Variants in CACNA2D3 observed in about 807,000 individuals in gnomAD.
CACNA2D3 encodes voltage-dependent calcium channel subunit alpha-2/delta-3.
A neutral mutation model predicts 160.6 loss-of-function variants in CACNA2D3; 60 were observed. The ratio of observed to expected loss-of-function variants is 0.37; its 90% CI spans 0.30 to 0.46. The LOEUF (loss-of-function observed/expected upper bound fraction) is 0.46, where lower values mean the gene tolerates loss of function less well. Among genes scored for constraint, CACNA2D3 ranks in the 20% least tolerant of loss-of-function variants. The pLI is 1.00. For synonymous variants in CACNA2D3, 558 were observed against 492.9 expected (o/e 1.13, Z -1.75); for missense variants, 1,205 against 1,365.0 (o/e 0.88, Z 1.85).
intron 3 of CACNA2D3, among the ~76,000 whole-genome samples, chr3:54,334,145 A>G (rs954030716): frequency 1.3e-5 from 2 of 152,058 alleles, no homozygotes; most frequent in African/African-American, 4.8e-5. Context: ...GGAGTGCAGT[A>G]GTGTGATCTC....
In CACNA2D3 at chr3:54,654,167, A is replaced by G. The variant is rs747128692; in HGVS notation, c.1167+11926A>G. On this transcript the variant is annotated intron_variant, in intron 11 of 37. Coordinates refer to ENST00000474759, the MANE Select transcript of CACNA2D3 (RefSeq NM_018398.3). ...CTACTCTTAAATTGTAGCACATTGG[A>G]GTCACCGAGGGGTTGGCAGTGGGGG... Among the ~76,000 whole-genome samples, 13 of 152,090 alleles carry G rather than the reference A, an allele frequency of 8.5e-5. No homozygotes were observed. In the South Asian group the frequency reaches 1.7e-3, roughly 19 times the overall value.
At chr3:54,404,080 A>G (rs551340127) in intron 4 of CACNA2D3, among the ~76,000 whole-genome samples, 1 of 152,282 alleles carries the variant, frequency 6.6e-6, no homozygotes, top group South Asian at 2.1e-4. Context: ...TTACTACCCA[A>G]ACTTCTTAAA....
intron 4 of CACNA2D3, among the ~76,000 whole-genome samples, chr3:54,467,620 C>T (rs952210969): frequency 1.3e-5 from 2 of 151,922 alleles, no homozygotes; most frequent in African/African-American, 4.8e-5. Context: ...GTGAAATAAG[C>T]CAGGCACATA....
At position 54,722,532 on chromosome 3, in the gene CACNA2D3, C is replaced by T. The variant is rs796122658; in HGVS notation, c.1168-30067C>T. Among the ~76,000 whole-genome samples, 5 of 152,100 alleles carry T rather than the reference C, an allele frequency of 3.3e-5. 1 individual carries two copies. The South Asian group carries it at 1.0e-3, about 32-fold the overall frequency. ...TTCAGCCTTTTTGTGCTGGTTTCTC[C>T]CCATCTTTGTGGAGTTATCTACCTT... On this transcript the variant is annotated intron_variant, in intron 11 of 37. Transcript: ENST00000474759.
intron 9 of CACNA2D3, among the ~76,000 whole-genome samples, chr3:54,612,520 T>A (rs530782169): frequency 5.7e-4 from 87 of 152,312 alleles, no homozygotes; most frequent in Admixed American, 1.3e-3. Context: ...GCATTTATTA[T>A]CTTTGTGAAG....
intron 2 of CACNA2D3, among the ~76,000 whole-genome samples, chr3:54,172,520 C>T (rs932652353): frequency 1.4e-4 from 21 of 152,182 alleles, no homozygotes; most frequent in African/African-American, 5.1e-4. Flanking sequence ...TGGGCAAGTG[C>T]GGGCCTAGAA....
chr3:54,987,607 T>C, intron 30 of CACNA2D3, 76 bp from the exon 31 acceptor site: 1 of 925,854 alleles, frequency 1.1e-6, no homozygotes, highest in Non-Finnish European at 1.7e-6. Flanking sequence ...ACACAGACTG[T>C]GTCCCTTTTC....
chr3:54,963,083 G>A (rs938657752), intron 27 of CACNA2D3, among the ~76,000 whole-genome samples: 2 of 152,166 alleles, frequency 1.3e-5, no homozygotes, highest in African/African-American at 2.4e-5. Flanking sequence ...CACTGCAAAT[G>A]TAATTTGTAG....
At chr3:54,422,152 C>A (rs1267973648) in intron 4 of CACNA2D3, among the ~76,000 whole-genome samples, 1 of 152,168 alleles carries the variant, frequency 6.6e-6, no homozygotes, top group Non-Finnish European at 1.5e-5. Context: ...TTAATTGAAC[C>A]TGGTAACGAT....
At chr3:54,931,132 G>C (rs1261476561) in intron 27 of CACNA2D3, among the ~76,000 whole-genome samples, 1 of 152,146 alleles carries the variant, frequency 6.6e-6, no homozygotes, top group Non-Finnish European at 1.5e-5. Context: ...TCTCTTACTA[G>C]CAGCATGGAT....
At chr3:54,676,108 C>T (rs1700238576) in intron 11 of CACNA2D3, among the ~76,000 whole-genome samples, 1 of 152,174 alleles carries the variant, frequency 6.6e-6, no homozygotes, top group Non-Finnish European at 1.5e-5. Flanking sequence ...TCTTTAGTAA[C>T]ATCAACCACG....
At position 54,165,716 on chromosome 3, in the gene CACNA2D3, C is replaced by G. The variant is rs138055656; in HGVS notation, c.204+42122C>G. Among the ~76,000 whole-genome samples the G allele has an allele frequency of 5.0e-3, 767 of 151,904 alleles. 6 individuals are homozygous for G. The highest frequency in any genetic ancestry group is 0.018 in the African/African-American group (738 of 41,420). On this transcript the variant is annotated intron_variant, in intron 2 of 37. Coordinates refer to ENST00000474759, the MANE Select transcript of CACNA2D3 (RefSeq NM_018398.3). ...CTTGAGCCGAGGTGGGAGGATTGCT[C>G]GAGCCCAGGTGTTTGAGGCTGCAGT... is the stretch of plus-strand genomic sequence containing the variant.
At position 54,837,834 on chromosome 3, in the gene CACNA2D3, G is replaced by A. The variant is rs75676386; in HGVS notation, c.1470+604G>A. Among the ~76,000 whole-genome samples the A allele has an allele frequency of 3.6e-3, 553 of 152,220 alleles. 3 individuals carry two copies. The highest frequency in any genetic ancestry group is 0.012 in the African/African-American group (516 of 41,528). On this transcript the variant is annotated intron_variant, in intron 15 of 37. Transcript: ENST00000474759. ...CCCTGTTGTAAGGAAATCAGTCATGGGATTTAGAGCCCACGCTAAATCCAC... is the reference window on the plus strand; with the variant it reads ...CCCTGTTGTAAGGAAATCAGTCATGAGATTTAGAGCCCACGCTAAATCCAC...
chr3:54,467,886 T>C (rs1435511455), intron 4 of CACNA2D3, among the ~76,000 whole-genome samples: 1 of 152,200 alleles, frequency 6.6e-6, no homozygotes, highest in Non-Finnish European at 1.5e-5. Context: ...AAAGTTCTTA[T>C]CACAAAGAAA....
intron 3 of CACNA2D3, among the ~76,000 whole-genome samples, chr3:54,369,132 G>A (rs1345685097): frequency 1.3e-5 from 2 of 151,952 alleles, no homozygotes; most frequent in African/African-American, 4.8e-5. Context: ...AGTGTCTAAG[G>A]GATCTGACAG....
intron 35 of CACNA2D3, among the ~76,000 whole-genome samples, chr3:55,068,177 G>T (rs545714777): frequency 6.2e-4 from 95 of 152,344 alleles, no homozygotes; most frequent in African/African-American, 2.1e-3. Flanking sequence ...TATTGGAGAG[G>T]TGCAAGGGCA....
At chr3:54,688,887 C>T (rs1443252648) in intron 11 of CACNA2D3, among the ~76,000 whole-genome samples, 1 of 139,378 alleles carries the variant, frequency 7.2e-6, no homozygotes, top group African/African-American at 2.7e-5. Flanking sequence ...GAGGCTGAGG[C>T]AGGAGAATCG....
chr3:54,857,111 A>G lies in CACNA2D3; in HGVS notation c.1626+10644A>G, dbSNP rs533073749. Among the ~76,000 whole-genome samples, 5 of 152,224 alleles carry G rather than the reference A, an allele frequency of 3.3e-5. No homozygotes were observed. The South Asian group carries it at 1.0e-3, about 32-fold the overall frequency. On this transcript the variant is annotated intron_variant, in intron 17 of 37. Coordinates refer to ENST00000474759, the MANE Select transcript of CACNA2D3 (RefSeq NM_018398.3). ...GATGTATTAAGCTGAGTCCTGGAGGATGAGAAAAACTGTGGAGACTGGTCC... is the reference window on the plus strand; with the variant it reads ...GATGTATTAAGCTGAGTCCTGGAGGGTGAGAAAAACTGTGGAGACTGGTCC...
chr3:54,736,839 G>T (rs1360141802), intron 11 of CACNA2D3, among the ~76,000 whole-genome samples: 1 of 152,180 alleles, frequency 6.6e-6, no homozygotes, highest in East Asian at 1.9e-4. Context: ...TTTGCCTGCT[G>T]TGTGACCTGG....
Sources: allele counts gnomAD v4.1 joint callset (sites outside exome capture counted in the v4.1 genomes callset), GRCh38; gene constraint gnomAD v4.1.1; transcripts MANE v1.5; gene names NCBI Gene and HGNC (gene_info 2026-07-23, HGNC 2026-07-21).